Variants in PAX2 observed in about 807,000 individuals in gnomAD.
The protein encoded by PAX2 is paired box protein Pax-2.
In PAX2, 9 loss-of-function variants were observed where a neutral mutation model predicts 41.7. The observed-to-expected ratio is 0.22, with a 90% CI of 0.13 to 0.38. The LOEUF is 0.38. Among genes scored for constraint, PAX2 ranks in the 10% least tolerant of loss-of-function variants. The probability of loss-of-function intolerance (pLI) is 1.00; values close to 1 mark genes in which losing one functional copy is unlikely to be tolerated. For synonymous variants in PAX2, 221 were observed against 212.7 expected, an observed-to-expected ratio of 1.04 and a Z score of -0.34; for missense variants, 418 against 531.6, an observed-to-expected ratio of 0.79 and a Z score of 2.10.
chr10:100,761,648 A>G (rs776669116), intron 3 of PAX2, among the ~76,000 whole-genome samples: 3 of 152,206 alleles, frequency 2.0e-5, no homozygotes, highest in Non-Finnish European at 2.9e-5. Flanking sequence ...CCAAGCGAGT[A>G]CTCTGGGCCT....
chr10:100,816,472 G>A (rs907962455), intron 7 of PAX2, among the ~76,000 whole-genome samples: 1 of 152,188 alleles, frequency 6.6e-6, no homozygotes, highest in Non-Finnish European at 1.5e-5. Flanking sequence ...AACATTTTTT[G>A]AATGACCGGA....
Position 100,791,725 on chromosome 10 carries a change from C to A in PAX2, c.616+10360C>A, listed in dbSNP as rs1448468852. On this transcript the variant is annotated intron_variant, in intron 5 of 9. Transcript: ENST00000355243. The surrounding 1 kb of genome is among the most constrained non-coding windows in gnomAD (Gnocchi z 4.5). ...GAAGCCTGGGATGGAGGGATGGGGA[C>A]AGTAGGTTTGGTAGGAGTGACTCCA... Among the ~76,000 whole-genome samples, 1 of 152,168 alleles carries A rather than the reference C, an allele frequency of 6.6e-6. No individual in the cohort carries two copies. The highest frequency in any genetic ancestry group is 1.5e-5 in the Non-Finnish European group (1 of 68,018).
Position 100,827,003 on chromosome 10 carries a change from C to G in PAX2, c.1022-6C>G. 1 of 1,610,522 alleles carries G rather than the reference C, an allele frequency of 6.2e-7. No individual in the cohort carries two copies. Among genetic ancestry groups the G allele is most frequent in the Non-Finnish European group, 8.5e-7 (1 of 1,176,812 alleles). On this transcript the variant is annotated splice_polypyrimidine_tract_variant and splice_region_variant and intron_variant, in intron 8 of 9. Coordinates refer to ENST00000355243, the MANE Select transcript of PAX2 (RefSeq NM_000278.5). The surrounding 1 kb of genome is among the most constrained non-coding windows in gnomAD (Gnocchi z 8.5). ...GTCTGATCCCCACTCCCCGACCCTC[C>G]CGCAGGGAGCGAGTTCTCCGGCAAC...
chr10:100,740,607 G>T (rs936781097), upstream of PAX2, among the ~76,000 whole-genome samples: 2 of 152,220 alleles, frequency 1.3e-5, no homozygotes, highest in Non-Finnish European at 1.5e-5. Flanking sequence ...ATCTACTAGA[G>T]AAATGTCTGG....
At position 100,827,763 on chromosome 10, in the gene PAX2, C is replaced by A; in HGVS notation, c.*144C>A. ...CCCAGCCTCACCCCATCCCACGACC[C>A]CCGCAACCCTTCACATCACCCCCCT... On this transcript the variant is annotated 3_prime_UTR_variant, in exon 10 of 10. Coordinates refer to ENST00000355243, the MANE Select transcript of PAX2 (RefSeq NM_000278.5). The surrounding 1 kb of genome is among the most constrained non-coding windows in gnomAD (Gnocchi z 8.5). The A allele has an allele frequency of 1.5e-6, 2 of 1,317,032 alleles. No homozygotes were observed. The highest frequency in any genetic ancestry group is 2.2e-6 in the Non-Finnish European group (2 of 923,828). The allele number at this position is 1,317,032 out of a possible 1,614,324, so 81.6% of individuals were successfully genotyped here. A position where few individuals can be genotyped will look rare whatever the true frequency, so the allele number is the denominator to read the frequency against.
At chr10:100,786,051 G>T (rs1429505084) in intron 5 of PAX2, among the ~76,000 whole-genome samples, 2 of 152,242 alleles carry the variant, frequency 1.3e-5, no homozygotes, top group African/African-American at 2.4e-5. Flanking sequence ...ATCTGGGAAA[G>T]AAAGCCTAAT....
chr10:100,740,712 C>T (rs1844923184), upstream of PAX2, among the ~76,000 whole-genome samples: 1 of 152,184 alleles, frequency 6.6e-6, no homozygotes, highest in Non-Finnish European at 1.5e-5. Context: ...CTCAAAGAAG[C>T]AAAGGGACTG....
chr10:100,814,620 A>G (rs555287883), intron 7 of PAX2, among the ~76,000 whole-genome samples: 4 of 152,344 alleles, frequency 2.6e-5, no homozygotes, highest in African/African-American at 9.6e-5. Context: ...AGAAAATCTT[A>G]TATTTTCTTT....
intron 7 of PAX2, among the ~76,000 whole-genome samples, chr10:100,820,337 A>G (rs1163876369): frequency 6.6e-6 from 1 of 152,192 alleles, no homozygotes; most frequent in African/African-American, 2.4e-5. Flanking sequence ...GTCATGGGAA[A>G]ACTGTGATGC....
chr10:100,812,890 T>C (rs1386566670), intron 7 of PAX2, among the ~76,000 whole-genome samples: 1 of 152,178 alleles, frequency 6.6e-6, no homozygotes, highest in Admixed American at 6.5e-5. Context: ...GCTGGAGAAG[T>C]CAGAGACTGT....
intron 5 of PAX2, among the ~76,000 whole-genome samples, chr10:100,784,238 G>T (rs1427608683): frequency 2.0e-5 from 3 of 152,244 alleles, no homozygotes; most frequent in Admixed American, 2.0e-4. Context: ...AAAGCAGCTG[G>T]CAGGCCAGTC....
upstream of PAX2, among the ~76,000 whole-genome samples, chr10:100,744,963 G>T (rs560891179): frequency 6.6e-6 from 1 of 152,154 alleles, no homozygotes; most frequent in African/African-American, 2.4e-5. Flanking sequence ...GGGTGGGAAG[G>T]TACCTCCGGA....
chr10:100,822,462 G>A (rs953678523), intron 7 of PAX2, among the ~76,000 whole-genome samples: 1 of 152,154 alleles, frequency 6.6e-6, no homozygotes, highest in Non-Finnish European at 1.5e-5. Context: ...TAGATTGATG[G>A]ACGATTAATC....
At chr10:100,741,445 G>T (rs1844954380), upstream of PAX2, among the ~76,000 whole-genome samples, 1 of 143,800 alleles carries the variant, frequency 7.0e-6, no homozygotes. Flanking sequence ...CCTCCAACGT[G>T]ACCAGAGGGC....
chr10:100,805,156 G>A (rs564584867), intron 5 of PAX2, among the ~76,000 whole-genome samples: 7 of 152,026 alleles, frequency 4.6e-5, no homozygotes, highest in South Asian at 2.1e-4. Context: ...CCCCATGCTC[G>A]GTCTGGGAGG....
intron 5 of PAX2, chr10:100,786,904 G>T (rs751362088): frequency 7.9e-7 from 1 of 1,259,046 alleles, no homozygotes; most frequent in South Asian, 1.2e-5. Flanking sequence ...CCTGTCTTTC[G>T]GGATCTCTCA....
Position 100,750,342 on chromosome 10 carries a change from C to A in PAX2, c.213-352C>A, listed in dbSNP as rs1227005227. On this transcript the variant is annotated intron_variant, in intron 2 of 9. Coordinates refer to ENST00000355243, the MANE Select transcript of PAX2 (RefSeq NM_000278.5). This position sits in a 1 kb window ranked among gnomAD's most constrained non-coding sequence, Gnocchi z 4.1. ...ATGCTCTGTGCCCAGTAGGAAAGGGCTCGAGGTGGTGCCTCAACCCTGGCC... is the reference window on the plus strand; with the variant it reads ...ATGCTCTGTGCCCAGTAGGAAAGGGATCGAGGTGGTGCCTCAACCCTGGCC... 6.6e-6 allele frequency among the ~76,000 whole-genome samples: 1 copy of A among 152,106 alleles called. No individual in the cohort carries two copies. The highest frequency in any genetic ancestry group is 1.5e-5 in the Non-Finnish European group (1 of 68,020).
chr10:100,809,031 C>A, intron 6 of PAX2, 79 bp from the exon 7 acceptor site: 2 of 1,392,820 alleles, frequency 1.4e-6, no homozygotes, highest in Non-Finnish European at 2.0e-6. Flanking sequence ...CTCCCCTGTT[C>A]CTCCTCCCCA....
At chr10:100,825,662 G>A (rs1375154098) in intron 8 of PAX2, among the ~76,000 whole-genome samples, 1 of 152,194 alleles carries the variant, frequency 6.6e-6, no homozygotes, top group East Asian at 1.9e-4. Context: ...TCATTGGTAT[G>A]GGGAATGGGG....
Sources: allele counts gnomAD v4.1 joint callset (sites outside exome capture counted in the v4.1 genomes callset), GRCh38; gene constraint gnomAD v4.1.1; non-coding constraint Gnocchi (gnomAD v3.1); transcripts MANE v1.5; gene names NCBI Gene and HGNC (gene_info 2026-07-23, HGNC 2026-07-21).